ATP6V1B1: variants seen among roughly 807,000 people sequenced by gnomAD.
ATP6V1B1 encodes ATPase H+ transporting V1 subunit B1.
Under a neutral mutation model 62.1 loss-of-function variants are expected in ATP6V1B1, and 41 were observed. That is an observed-to-expected ratio of 0.66 (90% CI 0.51 to 0.86). The LOEUF is 0.86. Among genes scored for constraint, ATP6V1B1 ranks in the 40% least tolerant of loss-of-function variants. The probability of loss-of-function intolerance (pLI) is 0.00; values close to 1 mark genes in which losing one functional copy is unlikely to be tolerated. For synonymous variants in ATP6V1B1, 253 were observed against 273.4 expected, an observed-to-expected ratio of 0.93 and a Z score of 0.74; for missense variants, 651 against 697.5, an observed-to-expected ratio of 0.93 and a Z score of 0.75.
chr2:70,962,909 G>A lies in ATP6V1B1; in HGVS notation c.909+9G>A. 1 of 1,613,824 alleles carries A rather than the reference G, an allele frequency of 6.2e-7. No homozygotes were observed. The highest frequency in any genetic ancestry group is 8.5e-7 in the Non-Finnish European group (1 of 1,179,994). On this transcript the variant is annotated intron_variant, in intron 9 of 13. Transcript: ENST00000234396. ...CAGAGGCCTTGCGGGAGGTAAGCTG[G>A]CTAGCAAGGGGTGTCAGATTCCTCC...
chr2:70,961,135 C>T, intron 7 of ATP6V1B1, 113 bp downstream of exon 7: 4 of 1,153,280 alleles, frequency 3.5e-6, no homozygotes, highest in Non-Finnish European at 3.8e-6. Flanking sequence ...TCCCGGCCAG[C>T]CAGGAGGGGT....
At chr2:70,937,928 GC>G (rs1346766576) in intron 1 of ATP6V1B1, among the ~76,000 whole-genome samples, 4 of 152,042 alleles carry the variant, frequency 2.6e-5, no homozygotes, top group African/African-American at 9.7e-5. Context: ...GGCTGTGCCC[GC>G]CCCCCATGTT....
chr2:70,949,477 GAT>G (rs1680269848), intron 2 of ATP6V1B1, among the ~76,000 whole-genome samples: 1 of 152,188 alleles, frequency 6.6e-6, no homozygotes, highest in Non-Finnish European at 1.5e-5. Flanking sequence ...TTTCAAATTA[GAT>G]ATTGACAATT....
At chr2:70,944,977 C>G (rs1254672469) in intron 2 of ATP6V1B1, among the ~76,000 whole-genome samples, 8 of 152,150 alleles carry the variant, frequency 5.3e-5, no homozygotes, top group Admixed American at 2.0e-4. Context: ...GCTTACAGGT[C>G]TTTTCTATGA....
At chr2:70,942,053 G>A in intron 1 of ATP6V1B1, 2 of 1,137,230 alleles carry the variant, frequency 1.8e-6, no homozygotes, top group Non-Finnish European at 2.2e-6. Flanking sequence ...AAACATCAGA[G>A]CTTCATGGGA....
chr2:70,964,114 A>ATTTTGTTTTTT, intron 11 of ATP6V1B1: 2 of 123,588 alleles, frequency 1.6e-5, no homozygotes, highest in Non-Finnish European at 2.7e-5. Context: ...CTTGGCAGGT[A>ATTTTGTTTTTT]TTTTTTTTTT....
In ATP6V1B1 at chr2:70,965,333, A is replaced by C. The variant is rs1478881210; in HGVS notation, c.*212A>C. The C allele has an allele frequency of 4.5e-6, 3 of 664,400 alleles. No homozygotes were observed. The highest frequency in any genetic ancestry group is 2.8e-5 in the East Asian group (1 of 36,340). The allele number at this position is 664,400 out of a possible 1,614,324, so 41.2% of individuals were successfully genotyped here. On this transcript the variant is annotated 3_prime_UTR_variant, in exon 14 of 14. Transcript: ENST00000234396. ...TCCCCCTCGACTCCCGGTGCTGCGG[A>C]AGAACTGAAGGTTGCGATGCCTTAC...
chr2:70,942,479 C>T, intron 1 of ATP6V1B1: 1 of 398,564 alleles, frequency 2.5e-6, no homozygotes, highest in Non-Finnish European at 4.4e-6. Flanking sequence ...AGCTTGACCA[C>T]ACATATCCAG....
intron 11 of ATP6V1B1, chr2:70,964,199 C>A: frequency 1.2e-5 from 4 of 345,622 alleles, no homozygotes; most frequent in Non-Finnish European, 1.1e-5. Flanking sequence ...TTTTGAAATA[C>A]TGAGCCTTTT....
rs1198004173 is a variant in ATP6V1B1, at chr2:70,965,373, C to T, written c.*252C>T. 1 of 580,682 alleles carries T rather than the reference C, an allele frequency of 1.7e-6. No individual in the cohort carries two copies. The highest frequency in any genetic ancestry group is 3.1e-6 in the Non-Finnish European group (1 of 327,100). 36.0% of individuals were successfully genotyped at this position (580,682 alleles called of 1,614,324 possible). A position where few individuals can be genotyped will look rare whatever the true frequency, so the allele number is the denominator to read the frequency against. On this transcript the variant is annotated 3_prime_UTR_variant, in exon 14 of 14. Transcript: ENST00000234396. ...CGATGCCTTACTCTGACGGGAGCATCTGTATTTTTATGTTAAAAGCCCACA... is the reference window on the plus strand; with the variant it reads ...CGATGCCTTACTCTGACGGGAGCATTTGTATTTTTATGTTAAAAGCCCACA...
At chr2:70,942,615 C>G (rs931647721) in intron 1 of ATP6V1B1, among the ~76,000 whole-genome samples, 3 of 152,184 alleles carry the variant, frequency 2.0e-5, no homozygotes, top group African/African-American at 7.2e-5. Context: ...AGGGTGGGTT[C>G]CCAGCCCCAG....
intron 2 of ATP6V1B1, among the ~76,000 whole-genome samples, chr2:70,949,659 C>T (rs1458749709): frequency 6.6e-6 from 1 of 152,302 alleles, no homozygotes; most frequent in Non-Finnish European, 1.5e-5. Context: ...TTACATTTCT[C>T]TGATAACTAG....
intron 7 of ATP6V1B1, 42 bp from the exon 8 acceptor site, chr2:70,961,554 G>A (rs782386862): frequency 1.2e-6 from 2 of 1,603,108 alleles, no homozygotes; most frequent in Admixed American, 3.3e-5. Flanking sequence ...TTGCCCTCAG[G>A]CCACAGGGCC....
chr2:70,942,405 G>A (rs558585690), intron 1 of ATP6V1B1: 28 of 398,668 alleles, frequency 7.0e-5, no homozygotes, highest in South Asian at 3.8e-4. Context: ...AAGAATCACC[G>A]TGCCCAGTTG....
At chr2:70,943,526 C>A in intron 1 of ATP6V1B1, 132 bp from the exon 2 acceptor site, 1 of 955,554 alleles carries the variant, frequency 1.0e-6, no homozygotes, top group Non-Finnish European at 1.6e-6. Flanking sequence ...CCTGTCACAG[C>A]TAATGACCCT....
At position 70,959,960 on chromosome 2, in the gene ATP6V1B1, C is replaced by A. The variant is rs1553419748; in HGVS notation, c.467C>A (p.Ser156Tyr). Residue 156 changes from serine (S) to tyrosine (Y), a missense_variant, in exon 6 of 14, where the codon TCC (serine) becomes TAC (tyrosine). Coordinates refer to ENST00000234396, the MANE Select transcript of ATP6V1B1 (RefSeq NM_001692.4). The surrounding 1 kb of genome is among the most constrained non-coding windows in gnomAD (Gnocchi z 4.2). ...DINGQPINPH[S>Y]RIYPEEMIQT... ...CCAGGCCAGCCCATCAACCCGCACT[C>A]CCGCATCTACCCCGAGGAGATGATT... 6.2e-7 allele frequency: 1 copy of A among 1,614,190 alleles called. No individual in the cohort carries two copies. The highest frequency in any genetic ancestry group is 8.5e-7 in the Non-Finnish European group (1 of 1,180,040).
rs2104826339 is a variant in ATP6V1B1 at position 70,959,034 on chromosome 2, C to T, written c.384C>T (p.Gly128=). ...CACCCTCAGGTCGGGTTTTCAATGG[C>T]TCCGGCAAGCCCATTGACAAGGGGC... The part of the protein sequence containing the change: ...SEDMLGRVFN[G]SGKPIDKGPV... The change falls in exon 5 of 14, where the codon GGC becomes GGT. Residue 128 remains glycine (G), a synonymous_variant. Coordinates refer to ENST00000234396, the MANE Select transcript of ATP6V1B1 (RefSeq NM_001692.4). This position sits in a 1 kb window ranked among gnomAD's most constrained non-coding sequence, Gnocchi z 4.2. 4 of 1,614,174 alleles carry T rather than the reference C, an allele frequency of 2.5e-6. No individual in the cohort carries two copies. The highest frequency in any genetic ancestry group is 3.4e-6 in the Non-Finnish European group (4 of 1,180,024).
At position 70,945,596 on chromosome 2, in the gene ATP6V1B1, A is replaced by G. The variant is rs568815505; in HGVS notation, c.174+1883A>G. ...GAGGTACACAGTGATGTTTTGATAC[A>G]TATAATGCATAGTGATCAGGTCAGG... On this transcript the variant is annotated intron_variant, in intron 2 of 13. Coordinates refer to ENST00000234396, the MANE Select transcript of ATP6V1B1 (RefSeq NM_001692.4). 2.8e-3 allele frequency among the ~76,000 whole-genome samples: 428 copies of G among 151,624 alleles called. 2 individuals carry two copies. The highest frequency in any genetic ancestry group is 0.01 in the Middle Eastern group (3 of 294).
At chr2:70,942,243 C>A (rs1680023185) in intron 1 of ATP6V1B1, 1 of 405,112 alleles carries the variant, frequency 2.5e-6, no homozygotes, top group East Asian at 3.6e-5. Flanking sequence ...GCAGGCCAGG[C>A]AGGTCTGTAA....
Sources: allele counts gnomAD v4.1 joint callset (sites outside exome capture counted in the v4.1 genomes callset), GRCh38; gene constraint gnomAD v4.1.1; non-coding constraint Gnocchi (gnomAD v3.1); transcripts MANE v1.5; gene names NCBI Gene and HGNC (gene_info 2026-07-23, HGNC 2026-07-21).